Variants in COL25A1 observed in about 807,000 individuals in gnomAD.
COL25A1 encodes collagen alpha-1(XXV) chain.
In COL25A1, 103 loss-of-function variants were observed where a neutral mutation model predicts 128.4. The observed-to-expected ratio is 0.80, with a 90% CI of 0.68 to 0.94. The LOEUF is 0.94. COL25A1 is among the 40% of genes least tolerant of loss of function. The pLI is 0.00. For missense variants in COL25A1, 745 were observed against 840.0 expected (o/e 0.89, Z 1.40); for synonymous variants, 279 against 277.2 (o/e 1.01, Z -0.06).
intron 3 of COL25A1, among the ~76,000 whole-genome samples, chr4:109,098,866 A>G (rs1468812904): frequency 6.6e-6 from 1 of 152,234 alleles, no homozygotes. Context: ...AGTAGCAGTT[A>G]CATTAGGTTG....
At chr4:109,248,185 A>T (rs1038074303) in intron 3 of COL25A1, among the ~76,000 whole-genome samples, 1 of 152,164 alleles carries the variant, frequency 6.6e-6, no homozygotes, top group East Asian at 1.9e-4. Context: ...ATTATTCTCT[A>T]GTCCTTAGCC....
At chr4:109,292,659 G>C (rs1165209300) in intron 3 of COL25A1, among the ~76,000 whole-genome samples, 1 of 152,010 alleles carries the variant, frequency 6.6e-6, no homozygotes, top group Non-Finnish European at 1.5e-5. Context: ...GAGCCCGTAA[G>C]TGACACTGGT....
At chr4:108,997,104 G>A (rs1345170409) in intron 6 of COL25A1, among the ~76,000 whole-genome samples, 3 of 152,118 alleles carry the variant, frequency 2.0e-5, no homozygotes, top group African/African-American at 4.8e-5. Context: ...AAGGCTACCA[G>A]AAGGCAAGAA....
At chr4:109,016,384 G>C (rs1008850879) in intron 5 of COL25A1, among the ~76,000 whole-genome samples, 3 of 152,238 alleles carry the variant, frequency 2.0e-5, no homozygotes, top group Non-Finnish European at 4.4e-5. Flanking sequence ...GGCATGAACA[G>C]CCAAGGTGCC....
chr4:108,822,797 A>G (rs1395133791), intron 35 of COL25A1, among the ~76,000 whole-genome samples: 1 of 152,210 alleles, frequency 6.6e-6, no homozygotes, highest in East Asian at 1.9e-4. Context: ...AAACGTATGT[A>G]TTTTATAGTC....
At position 109,034,365 on chromosome 4, in the gene COL25A1, T is replaced by C. The variant is rs527973614; in HGVS notation, c.420+13803A>G. 2.0e-5 allele frequency among the ~76,000 whole-genome samples: 3 copies of C among 152,322 alleles called. No homozygotes were observed. The East Asian group carries it at 5.8e-4, about 29-fold the overall frequency. On this transcript the variant is annotated intron_variant, in intron 5 of 37. Coordinates refer to ENST00000399132, the MANE Select transcript of COL25A1 (RefSeq NM_198721.4). ...ATGAATCTTTTTAACAGATATGGCATGATGACTTTGATGAATTGAACTTTT... is the reference window on the plus strand; with the variant it reads ...ATGAATCTTTTTAACAGATATGGCACGATGACTTTGATGAATTGAACTTTT...
intron 5 of COL25A1, among the ~76,000 whole-genome samples, chr4:109,033,347 G>A (rs1759045936): frequency 1.3e-5 from 2 of 152,330 alleles, no homozygotes; most frequent in East Asian, 1.9e-4. Flanking sequence ...CAGAAGGCAG[G>A]CACATAACAG....
At chr4:109,287,349 C>T (rs1723987889) in intron 3 of COL25A1, among the ~76,000 whole-genome samples, 1 of 151,940 alleles carries the variant, frequency 6.6e-6, no homozygotes, top group African/African-American at 2.4e-5. Flanking sequence ...AGGGTTTCAC[C>T]CACAGTAAGT....
chr4:109,247,137 G>A (rs1780320276), intron 3 of COL25A1, among the ~76,000 whole-genome samples: 1 of 152,188 alleles, frequency 6.6e-6, no homozygotes, highest in African/African-American at 2.4e-5. Context: ...GCCGAGGCGG[G>A]TGGATCACCT....
At chr4:109,196,373 G>A (rs74819068) in intron 3 of COL25A1, among the ~76,000 whole-genome samples, 3,561 of 152,024 alleles carry the variant, frequency 0.023, 121 homozygotes, top group African/African-American at 0.073. Flanking sequence ...TAAAAATATC[G>A]TATGCATTAT....
At chr4:108,911,167 C>T (rs889679770) in intron 13 of COL25A1, among the ~76,000 whole-genome samples, 1 of 152,118 alleles carries the variant, frequency 6.6e-6, no homozygotes, top group Non-Finnish European at 1.5e-5. Flanking sequence ...TAAGGAAAAG[C>T]TGTCCATGAT....
rs774782410 is a variant in COL25A1 at position 108,920,560 on chromosome 4, T to C, written c.735+18A>G. 6.3e-7 allele frequency: 1 copy of C among 1,592,616 alleles called. No homozygotes were observed. Among genetic ancestry groups the C allele is most frequent in the Admixed American group, 1.7e-5 (1 of 58,272 alleles). On this transcript the variant is annotated intron_variant, in intron 12 of 37. Transcript: ENST00000399132. ...TGAGAGCATAATTACTTTCACAATATTGTTGTTTATACTCTACCTTTTGTC... is the reference window on the plus strand; with the variant it reads ...TGAGAGCATAATTACTTTCACAATACTGTTGTTTATACTCTACCTTTTGTC...
intron 5 of COL25A1, among the ~76,000 whole-genome samples, chr4:109,029,190 GA>G (rs1187701141): frequency 1.3e-5 from 2 of 152,134 alleles, no homozygotes; most frequent in East Asian, 3.9e-4. Flanking sequence ...TTATCCAAAA[GA>G]GAGGAAAAAC....
chr4:108,821,260 T>C (rs1731744304), intron 35 of COL25A1, among the ~76,000 whole-genome samples: 1 of 152,198 alleles, frequency 6.6e-6, no homozygotes, highest in African/African-American at 2.4e-5. Flanking sequence ...TTCTTGAATA[T>C]GGGGCAAAGA....
intron 3 of COL25A1, among the ~76,000 whole-genome samples, chr4:109,264,199 C>T (rs527630110): frequency 2.2e-4 from 34 of 151,906 alleles, no homozygotes; most frequent in African/African-American, 7.5e-4. Context: ...GGGTGAAGGC[C>T]AAAAAGTTGA....
chr4:109,284,839 GAA>G (rs5860979), intron 3 of COL25A1, among the ~76,000 whole-genome samples: 3 of 124,254 alleles, frequency 2.4e-5, no homozygotes, highest in Non-Finnish European at 3.5e-5. Context: ...CCCCACCCAG[GAA>G]AAAAAAAAAA....
At position 108,942,251 on chromosome 4, in the gene COL25A1, G is replaced by T. The variant is rs759843043; in HGVS notation, c.493-814C>A. 5 of 1,550,236 alleles carry T rather than the reference G, an allele frequency of 3.2e-6. No individual in the cohort carries two copies. In the Admixed American group the frequency reaches 9.8e-5, roughly 30 times the overall value. ...GATTACTGTGCAGGGCAGCAACTGT[G>T]GGGAAGCCTGGCAGGCCCTATGGAC... On this transcript the variant is annotated intron_variant, in intron 8 of 37. Coordinates refer to ENST00000399132, the MANE Select transcript of COL25A1 (RefSeq NM_198721.4).
chr4:109,081,048 G>C (rs978934926), intron 3 of COL25A1, among the ~76,000 whole-genome samples: 2 of 152,220 alleles, frequency 1.3e-5, no homozygotes, highest in African/African-American at 4.8e-5. Flanking sequence ...TGGCGAGTAG[G>C]GTCACTGGGA....
At chr4:109,145,663 A>C (rs1340960248) in intron 3 of COL25A1, among the ~76,000 whole-genome samples, 1 of 151,828 alleles carries the variant, frequency 6.6e-6, no homozygotes, top group Admixed American at 6.6e-5. Flanking sequence ...AACATGGTGA[A>C]ACCCCATCTC....
Sources: gnomAD v4.1 joint callset for allele counts (sites outside exome capture counted in the v4.1 genomes callset) on GRCh38, gnomAD v4.1.1 for gene constraint, MANE v1.5 for transcripts, NCBI Gene and HGNC (gene_info 2026-07-23, HGNC 2026-07-21) for gene names.